Variants in MYT1 observed in about 807,000 individuals in gnomAD.
The protein encoded by MYT1 is myelin transcription factor I.
Under a neutral mutation model 123.0 loss-of-function variants are expected in MYT1, and 23 were observed. The ratio of observed to expected loss-of-function variants is 0.19; its 90% confidence interval spans 0.13 to 0.26. The LOEUF (loss-of-function observed/expected upper bound fraction) is 0.26, where lower values mean the gene tolerates loss of function less well. Ranked by LOEUF, MYT1 falls within the 10% of genes least tolerant of loss-of-function variation. The probability of loss-of-function intolerance (pLI) is 1.00; values close to 1 mark genes in which losing one functional copy is unlikely to be tolerated. For synonymous variants in MYT1, 518 were observed against 575.3 expected, an observed-to-expected ratio of 0.90 and a Z score of 1.43; for missense variants, 1,125 against 1,472.5, an observed-to-expected ratio of 0.76 and a Z score of 3.86.
chr20:64,168,101 G>A lies in MYT1; in HGVS notation c.-99+3362G>A, dbSNP rs1982139725. Among the ~76,000 whole-genome samples the A allele has an allele frequency of 6.6e-6, 1 of 152,180 alleles. No homozygotes were observed. Among genetic ancestry groups the A allele is most frequent in the Non-Finnish European group, 1.5e-5 (1 of 68,038 alleles). On this transcript the variant is annotated intron_variant, in intron 1 of 22. Transcript: ENST00000328439. This position sits in a 1 kb window ranked among gnomAD's most constrained non-coding sequence, Gnocchi z 6.1. ...GCTTTCACGGCCTCTTGAGGTTCCC[G>A]GCATTTTTCTGTCTTTCAGACCAAA... is the stretch of plus-strand genomic sequence containing the variant.
Position 64,198,936 on chromosome 20 carries a change from C to T in MYT1, c.55+20C>T. 1.2e-6 allele frequency: 2 copies of T among 1,613,230 alleles called. No homozygotes were observed. Among genetic ancestry groups the T allele is most frequent in the African/African-American group, 1.3e-5 (1 of 75,046 alleles). The stretch of plus-strand genomic sequence containing the variant: ...TGCGAGGTGAGTGCCGCCCTCCCCT[C>T]CTCCAGGGCTGTAAATGCCACTTTC... On this transcript the variant is annotated intron_variant, in intron 3 of 22. Transcript: ENST00000328439.
chr20:64,184,384 G>GT (rs1171724211), intron 1 of MYT1, among the ~76,000 whole-genome samples: 6 of 151,670 alleles, frequency 4.0e-5, no homozygotes, highest in African/African-American at 7.3e-5. Context: ...TGAAAAGACA[G>GT]TTTTTTTCCC....
intron 1 of MYT1, among the ~76,000 whole-genome samples, chr20:64,188,927 G>T (rs894139108): frequency 6.6e-6 from 1 of 152,238 alleles, no homozygotes; most frequent in Non-Finnish European, 1.5e-5. Flanking sequence ...AATCTGAGTG[G>T]TTTTATTCGT....
In MYT1 at chr20:64,192,870, AC is replaced by A. The variant is rs1485155344; in HGVS notation, c.-1+2713del. Among the ~76,000 whole-genome samples the A allele has an allele frequency of 6.6e-6, 1 of 152,176 alleles. No homozygotes were observed. The highest frequency in any genetic ancestry group is 2.4e-5 in the African/African-American group (1 of 41,438). ...GCCTCTCTTTATGTTGTTGGATTCT[AC>A]CCTGGGTGGGTATAAATTCCATTTA... On this transcript the variant is annotated intron_variant, in intron 2 of 22. Coordinates refer to ENST00000328439, the MANE Select transcript of MYT1 (RefSeq NM_004535.3). The surrounding 1 kb of genome is among the most constrained non-coding windows in gnomAD (Gnocchi z 5.3).
At chr20:64,225,611 G>T (rs1317323895) in intron 16 of MYT1, among the ~76,000 whole-genome samples, 1 of 152,196 alleles carries the variant, frequency 6.6e-6, no homozygotes, top group Non-Finnish European at 1.5e-5. Context: ...GGTGTGTATT[G>T]CCAAGGTAGA....
chr20:64,195,872 T>C (rs1288868432), intron 2 of MYT1, among the ~76,000 whole-genome samples: 1 of 152,216 alleles, frequency 6.6e-6, no homozygotes, highest in African/African-American at 2.4e-5. Flanking sequence ...TTTGGCAATA[T>C]ACAATGTATT....
rs1380793017 is a variant in MYT1, at chr20:64,231,652, AG to A, written c.2676-510del. Among the ~76,000 whole-genome samples the A allele has an allele frequency of 3.3e-5, 5 of 152,120 alleles. No homozygotes were observed. The highest frequency in any genetic ancestry group is 1.2e-4 in the African/African-American group (5 of 41,416). ...CTGATTGCACTGGCCTCAGTCTGGG[AG>A]GCTGTGGGGTGACAGGCCTCTGCTG... On this transcript the variant is annotated intron_variant, in intron 18 of 22. Transcript: ENST00000328439. This position sits in a 1 kb window ranked among gnomAD's most constrained non-coding sequence, Gnocchi z 6.4.
chr20:64,240,055 C>G (rs6090082), intron 22 of MYT1, 152 bp downstream of exon 22: 12 of 1,268,802 alleles, frequency 9.5e-6, no homozygotes, highest in Non-Finnish European at 1.2e-5. Context: ...CCGAATGGCC[C>G]GGGCTGTTGG....
At chr20:64,223,880 C>G (rs1206068926) in intron 16 of MYT1, among the ~76,000 whole-genome samples, 2 of 152,192 alleles carry the variant, frequency 1.3e-5, no homozygotes, top group Non-Finnish European at 2.9e-5. Flanking sequence ...TGCCCTCCCC[C>G]CATGCTCATG....
At chr20:64,169,797 C>G (rs1019827861) in intron 1 of MYT1, among the ~76,000 whole-genome samples, 1 of 152,184 alleles carries the variant, frequency 6.6e-6, no homozygotes, top group Non-Finnish European at 1.5e-5. Context: ...CAGAGAAACA[C>G]GTTTGACGCT....
intron 1 of MYT1, among the ~76,000 whole-genome samples, chr20:64,188,503 C>T (rs1428136732): frequency 2.0e-5 from 3 of 152,176 alleles, no homozygotes; most frequent in African/African-American, 7.2e-5. Context: ...TGTCTCTCAG[C>T]TTCTGTTGAC....
At chr20:64,197,653 T>C (rs8119742) in intron 2 of MYT1, among the ~76,000 whole-genome samples, 1 of 152,170 alleles carries the variant, frequency 6.6e-6, no homozygotes, top group Non-Finnish European at 1.5e-5. Flanking sequence ...CCGGGAAGGA[T>C]GTTTTGCATA....
intron 1 of MYT1, among the ~76,000 whole-genome samples, chr20:64,170,884 T>TATATGG (rs1569303821): frequency 5.0e-5 from 1 of 20,002 alleles, no homozygotes; most frequent in Non-Finnish European, 7.9e-5. Context: ...TATATATATA[T>TATATGG]AGAGAGAGAG....
Position 64,168,753 on chromosome 20 carries a change from C to T in MYT1, c.-99+4014C>T, listed in dbSNP as rs569817721. ...TTTATTTGGGACTGTGGCCTGGGAG[C>T]ACGGCCTGTGCCAGGAGGGTGCAGG... On this transcript the variant is annotated intron_variant, in intron 1 of 22. Coordinates refer to ENST00000328439, the MANE Select transcript of MYT1 (RefSeq NM_004535.3). The surrounding 1 kb of genome is among the most constrained non-coding windows in gnomAD (Gnocchi z 6.1). Among the ~76,000 whole-genome samples, 2 of 152,320 alleles carry T rather than the reference C, an allele frequency of 1.3e-5. No individual in the cohort carries two copies. Among genetic ancestry groups the T allele is most frequent in the East Asian group, 3.9e-4 (2 of 5,186 alleles).
chr20:64,238,432 A>G (rs1326680273), intron 21 of MYT1, among the ~76,000 whole-genome samples: 6 of 152,194 alleles, frequency 3.9e-5, no homozygotes, highest in African/African-American at 1.2e-4. Flanking sequence ...CTACTGGCAA[A>G]CAGGCTCATG....
chr20:64,191,718 C>T lies in MYT1; in HGVS notation c.-1+1558C>T, dbSNP rs368454860. On this transcript the variant is annotated intron_variant, in intron 2 of 22. Transcript: ENST00000328439. This position sits in a 1 kb window ranked among gnomAD's most constrained non-coding sequence, Gnocchi z 4.1. ...GCACCTCCGCTCATATTTTGGCTCCCGCAGGATTATCAGTGCTCTGCTGAT... is the reference window on the plus strand; with the variant it reads ...GCACCTCCGCTCATATTTTGGCTCCTGCAGGATTATCAGTGCTCTGCTGAT... The T allele has an allele frequency of 2.0e-4, 30 of 152,278 alleles. 1 individual carries two copies. In the East Asian group the frequency reaches 2.3e-3, roughly 12 times the overall value. 9.4% of individuals were successfully genotyped at this position (152,278 alleles called of 1,614,324 possible).
chr20:64,206,553 C>T (rs1000860095), intron 6 of MYT1, among the ~76,000 whole-genome samples: 3 of 152,096 alleles, frequency 2.0e-5, no homozygotes, highest in African/African-American at 7.2e-5. Context: ...CCACCATCCC[C>T]ACCACTCACC....
chr20:64,178,968 C>T (rs1601700912), intron 1 of MYT1, among the ~76,000 whole-genome samples: 1 of 141,726 alleles, frequency 7.1e-6, no homozygotes, highest in South Asian at 2.3e-4. Context: ...GAGCACTGAG[C>T]CGTTATTCGG....
chr20:64,230,405 C>T (rs1028651644), intron 18 of MYT1, among the ~76,000 whole-genome samples: 10 of 152,112 alleles, frequency 6.6e-5, no homozygotes, highest in Admixed American at 2.0e-4. Flanking sequence ...CCCAGCTACT[C>T]GGGAGGCTGA....
Sources: gnomAD v4.1 joint callset for allele counts (sites outside exome capture counted in the v4.1 genomes callset) on GRCh38, gnomAD v4.1.1 for gene constraint, Gnocchi (gnomAD v3.1) non-coding constraint, MANE v1.5 for transcripts, NCBI Gene and HGNC (gene_info 2026-07-23, HGNC 2026-07-21) for gene names.